UTRN: variants seen among roughly 807,000 people sequenced by gnomAD.
UTRN encodes utrophin.
UTRN carries 283 observed loss-of-function variants against 463.9 expected under a neutral mutation model. That is an observed-to-expected ratio of 0.61 (90% confidence interval 0.55 to 0.67). UTRN has a LOEUF of 0.67. Among genes scored for constraint, UTRN ranks in the 30% least tolerant of loss-of-function variants. The pLI, the probability that UTRN is intolerant of heterozygous loss-of-function variation, is 0.00. For synonymous variants in UTRN, 1,442 were observed against 1,431.5 expected, an observed-to-expected ratio of 1.01 and a Z score of -0.17; for missense variants, 3,922 against 4,084.3, an observed-to-expected ratio of 0.96 and a Z score of 1.08.
At chr6:144,786,360 A>C (rs1368898044) in intron 61 of UTRN, among the ~76,000 whole-genome samples, 2 of 152,138 alleles carry the variant, frequency 1.3e-5, no homozygotes, top group African/African-American at 4.8e-5. Context: ...ATGTCAGCTC[A>C]CTGCAACCTC....
At chr6:144,837,410 T>G (rs1457657451) in intron 71 of UTRN, among the ~76,000 whole-genome samples, 1 of 152,146 alleles carries the variant, frequency 6.6e-6, no homozygotes, top group Non-Finnish European at 1.5e-5. Context: ...CACATAGTAG[T>G]TAGGAATAGG....
At chr6:144,649,731 T>C (rs1198818156) in intron 51 of UTRN, among the ~76,000 whole-genome samples, 1 of 152,204 alleles carries the variant, frequency 6.6e-6, no homozygotes, top group Non-Finnish European at 1.5e-5. Flanking sequence ...TATAAGCATT[T>C]TGTATAAGTG....
At chr6:144,773,433 C>T (rs1794304709) in intron 59 of UTRN, among the ~76,000 whole-genome samples, 1 of 152,166 alleles carries the variant, frequency 6.6e-6, no homozygotes, top group Admixed American at 6.5e-5. Flanking sequence ...TCTTCATCAC[C>T]TTCCTCTTTT....
chr6:144,574,797 G>A (rs1234714593), intron 50 of UTRN, among the ~76,000 whole-genome samples: 1 of 152,078 alleles, frequency 6.6e-6, no homozygotes, highest in Non-Finnish European at 1.5e-5. Flanking sequence ...GTCCAGGCTG[G>A]TCCTGAACTC....
At chr6:144,372,745 T>G (rs564140493) in intron 2 of UTRN, among the ~76,000 whole-genome samples, 1 of 152,264 alleles carries the variant, frequency 6.6e-6, no homozygotes, top group South Asian at 2.1e-4. Context: ...TCAGGTGATA[T>G]GCTCACCTTA....
chr6:144,759,413 A>G (rs1393276222), intron 58 of UTRN, among the ~76,000 whole-genome samples: 2 of 152,148 alleles, frequency 1.3e-5, no homozygotes, highest in Non-Finnish European at 2.9e-5. Flanking sequence ...TTGGTTGAAT[A>G]TTGACTTGAA....
At chr6:144,503,103 T>C (rs1794357522) in intron 34 of UTRN, among the ~76,000 whole-genome samples, 1 of 152,124 alleles carries the variant, frequency 6.6e-6, no homozygotes, top group South Asian at 2.1e-4. Context: ...GAGTTGTTTG[T>C]TTTTTTCTTG....
intron 35 of UTRN, among the ~76,000 whole-genome samples, chr6:144,513,012 G>A (rs1795306664): frequency 6.6e-6 from 1 of 152,014 alleles, no homozygotes; most frequent in South Asian, 2.1e-4. Flanking sequence ...CTAACTTCTT[G>A]CCTTAGATTA....
intron 51 of UTRN, among the ~76,000 whole-genome samples, chr6:144,615,285 A>T (rs1805965368): frequency 2.0e-5 from 3 of 152,126 alleles, no homozygotes; most frequent in Admixed American, 2.0e-4. Flanking sequence ...CTTGGCCATA[A>T]TCACTATTAA....
At chr6:144,623,513 A>G (rs1286426511) in intron 51 of UTRN, among the ~76,000 whole-genome samples, 1 of 152,162 alleles carries the variant, frequency 6.6e-6, no homozygotes, top group Non-Finnish European at 1.5e-5. Context: ...TCCCCTTTGG[A>G]ACACTGGGGA....
At chr6:144,585,532 G>T (rs1007612812) in intron 51 of UTRN, among the ~76,000 whole-genome samples, 4 of 152,088 alleles carry the variant, frequency 2.6e-5, no homozygotes, top group Non-Finnish European at 5.9e-5. Flanking sequence ...AATTTTATTT[G>T]TGTGGTTATA....
chr6:144,727,541 A>G (rs12174201), intron 53 of UTRN, among the ~76,000 whole-genome samples: 22,988 of 151,354 alleles, frequency 0.15, 2,106 homozygotes, highest in East Asian at 0.47. Context: ...GGCGGATCAC[A>G]AGGTCAGGAG....
At chr6:144,542,285 A>G (rs2128607216) in intron 45 of UTRN, among the ~76,000 whole-genome samples, 1 of 152,306 alleles carries the variant, frequency 6.6e-6, no homozygotes, top group South Asian at 2.1e-4. Context: ...TAGTTCACAG[A>G]GAGGGCTGGA....
In UTRN at chr6:144,459,179, A is replaced by G. The variant is rs1584872241; in HGVS notation, c.2532A>G (p.Glu844=). ...CCGTATTTTCTCTTCCTTAGCGGGA[A>G]TTGACAAATCTTCTTGGCCTTCACC... is the stretch of plus-strand genomic sequence containing the variant. ...LPSLKDSCQR[E]LTNLLGLHPK... The change falls in exon 21 of 75, where the codon GAA becomes GAG. Residue 844 remains glutamate, a synonymous_variant. Transcript: ENST00000367545. 1.2e-6 allele frequency: 2 copies of G among 1,610,668 alleles called. No homozygotes were observed. The highest frequency in any genetic ancestry group is 1.7e-5 in the Admixed American group (1 of 59,184).
chr6:144,741,644 A>G (rs904181613), intron 54 of UTRN, among the ~76,000 whole-genome samples: 1 of 152,150 alleles, frequency 6.6e-6, no homozygotes, highest in African/African-American at 2.4e-5. Context: ...ATTCACTTGA[A>G]TAAATCGCAA....
intron 2 of UTRN, among the ~76,000 whole-genome samples, chr6:144,346,003 C>A (rs1224863822): frequency 6.6e-6 from 1 of 151,916 alleles, no homozygotes; most frequent in African/African-American, 2.4e-5. Flanking sequence ...CATGGTAAAA[C>A]CTTGTCTCTA....
At position 144,824,605 on chromosome 6, in the gene UTRN, TATATATA is replaced by T. The variant is rs1562955044; in HGVS notation, c.9495-2742_9495-2736del. Reference sequence around the variant, plus strand: ...ATATATATATATATATATATATATATATATATATCTTTTTTTTTTTTTTTTTTTTTTT... The same window carrying T: ...ATATATATATATATATATATATATATTCTTTTTTTTTTTTTTTTTTTTTTT... On this transcript the variant is annotated intron_variant, in intron 66 of 74. Transcript: ENST00000367545. Among the ~76,000 whole-genome samples the T allele has an allele frequency of 2.0e-3, 100 of 49,968 alleles. 2 individuals carry two copies. The highest frequency in any genetic ancestry group is 6.1e-3 in the African/African-American group (43 of 7,002). The allele number at this position is 49,968 out of a possible 152,430, so 32.8% of individuals were successfully genotyped here. A position where few individuals can be genotyped will look rare whatever the true frequency, so the allele number is the denominator to read the frequency against.
At chr6:144,374,456 A>G (rs998053581) in intron 2 of UTRN, among the ~76,000 whole-genome samples, 10 of 151,780 alleles carry the variant, frequency 6.6e-5, no homozygotes, top group African/African-American at 2.2e-4. Context: ...AGCCTGGCCA[A>G]TATGGTGAAA....
At chr6:144,360,162 T>C (rs1778954935) in intron 2 of UTRN, among the ~76,000 whole-genome samples, 1 of 146,580 alleles carries the variant, frequency 6.8e-6, no homozygotes, top group African/African-American at 2.5e-5. Context: ...TCTCTTTCCT[T>C]TCTTTTCTTT....
Sources: gnomAD v4.1 joint callset for allele counts (sites outside exome capture counted in the v4.1 genomes callset) on GRCh38, gnomAD v4.1.1 for gene constraint, MANE v1.5 for transcripts, NCBI Gene and HGNC (gene_info 2026-07-23, HGNC 2026-07-21) for gene names.